Variants in ZDHHC14 observed in about 807,000 individuals in gnomAD.
ZDHHC14 encodes the protein zDHHC palmitoyltransferase 14.
ZDHHC14 carries 16 observed loss-of-function variants against 47.7 expected under a neutral mutation model. The ratio of observed to expected loss-of-function variants is 0.34; its 90% confidence interval spans 0.23 to 0.51. The LOEUF (loss-of-function observed/expected upper bound fraction) is 0.51. Among genes scored for constraint, ZDHHC14 ranks in the 20% least tolerant of loss-of-function variants. The pLI is 0.97. For synonymous variants in ZDHHC14, 293 were observed against 278.9 expected, an observed-to-expected ratio of 1.05 and a Z score of -0.50; for missense variants, 515 against 662.5, an observed-to-expected ratio of 0.78 and a Z score of 2.44.
intron 3 of ZDHHC14, among the ~76,000 whole-genome samples, chr6:157,593,678 G>A (rs1047190741): frequency 6.6e-6 from 1 of 152,252 alleles, no homozygotes; most frequent in African/African-American, 2.4e-5. Flanking sequence ...GGACAGGCTA[G>A]GGAAACAGGC....
Position 157,381,485 on chromosome 6 carries a change from A to T in ZDHHC14, c.-537A>T, listed in dbSNP as rs1040605415. ...TTGCCGGTGCCGCGCGCGGCCGCCC[A>T]GTCGCCAGCGCTCTCTCCTGGGAGG... On this transcript the variant is annotated 5_prime_UTR_variant, in exon 1 of 9. Transcript: ENST00000359775. 2.2e-5 allele frequency: 8 copies of T among 367,070 alleles called. No individual in the cohort carries two copies. The highest frequency in any genetic ancestry group is 4.4e-5 in the Non-Finnish European group (8 of 181,268). The allele number at this position is 367,070 out of a possible 1,614,324, so 22.7% of individuals were successfully genotyped here.
Position 157,540,878 on chromosome 6 carries a change from ATATG to A in ZDHHC14, c.246-1697_246-1694del, listed in dbSNP as rs1208368154. ...TTATATATATAACATATATAGATAT[ATATG>A]TATGTATGTGTGTGTGTGTGTGTGT... On this transcript the variant is annotated intron_variant, in intron 1 of 8. Coordinates refer to ENST00000359775, the MANE Select transcript of ZDHHC14 (RefSeq NM_024630.3). Among the ~76,000 whole-genome samples the A allele has an allele frequency of 1.7e-4, 23 of 133,478 alleles. 1 individual carries two copies. The highest frequency in any genetic ancestry group is 5.9e-4 in the Admixed American group (8 of 13,468). The allele number at this position is 133,478 out of a possible 152,430, so 87.6% of individuals were successfully genotyped here.
At chr6:157,450,511 C>T (rs1401249117) in intron 1 of ZDHHC14, among the ~76,000 whole-genome samples, 2 of 91,322 alleles carry the variant, frequency 2.2e-5, no homozygotes, top group Non-Finnish European at 4.5e-5. Flanking sequence ...CATGAGACTC[C>T]GTCTTAAAAA....
chr6:157,390,574 T>G (rs963497912), intron 1 of ZDHHC14, among the ~76,000 whole-genome samples: 1 of 152,196 alleles, frequency 6.6e-6, no homozygotes, highest in Non-Finnish European at 1.5e-5. Flanking sequence ...TATTCCATGT[T>G]TTTGTCAATT....
intron 1 of ZDHHC14, among the ~76,000 whole-genome samples, chr6:157,468,551 T>C (rs145267529): frequency 7.0e-4 from 107 of 152,334 alleles, no homozygotes; most frequent in Non-Finnish European, 1.4e-3. Flanking sequence ...TGTCTCTTGA[T>C]AGCAAGAAGC....
At chr6:157,555,460 C>T (rs1311523935) in intron 2 of ZDHHC14, among the ~76,000 whole-genome samples, 3 of 152,186 alleles carry the variant, frequency 2.0e-5, no homozygotes, top group East Asian at 1.9e-4. Flanking sequence ...CAAACATTTA[C>T]GTGGCTATTT....
At chr6:157,400,060 C>T (rs986486893) in intron 1 of ZDHHC14, among the ~76,000 whole-genome samples, 3 of 152,246 alleles carry the variant, frequency 2.0e-5, no homozygotes, top group Non-Finnish European at 4.4e-5. Flanking sequence ...CATAACATTT[C>T]ACTTTTCCCA....
At chr6:157,540,910 G>GTGTGTGTGTGTGTGTATA (rs1284429244) in intron 1 of ZDHHC14, among the ~76,000 whole-genome samples, 242 of 122,896 alleles carry the variant, frequency 2.0e-3, no homozygotes, top group Middle Eastern at 3.9e-3. Context: ...GTGTGTGTGT[G>GTGTGTGTGTGTGTGTATA]TATATATATA....
rs578189084 is a variant in ZDHHC14, at chr6:157,388,121, C to T, written c.245+5855C>T. ...TTATTTTTGAACTAAATGCTTTAAG[C>T]AAATAAAGCACTCTGGGATATATTT... On this transcript the variant is annotated intron_variant, in intron 1 of 8. Transcript: ENST00000359775. Among the ~76,000 whole-genome samples the T allele has an allele frequency of 2.6e-5, 4 of 152,284 alleles. No individual in the cohort carries two copies. The South Asian group carries it at 8.3e-4, about 32-fold the overall frequency.
chr6:157,533,515 G>A (rs961786220), intron 1 of ZDHHC14, among the ~76,000 whole-genome samples: 1 of 152,224 alleles, frequency 6.6e-6, no homozygotes, highest in Admixed American at 6.5e-5. Context: ...GTTCCAGGCA[G>A]GGGGAAGGCA....
At chr6:157,475,930 A>G (rs1779470361) in intron 1 of ZDHHC14, among the ~76,000 whole-genome samples, 1 of 152,180 alleles carries the variant, frequency 6.6e-6, no homozygotes, top group African/African-American at 2.4e-5. Flanking sequence ...ACATCATATC[A>G]AAACTTATGG....
intron 1 of ZDHHC14, among the ~76,000 whole-genome samples, chr6:157,499,391 C>T (rs1780142536): frequency 1.3e-5 from 2 of 152,016 alleles, no homozygotes. Flanking sequence ...GGGAGCCAGC[C>T]CCAGGCTCTT....
chr6:157,586,504 C>G lies in ZDHHC14; in HGVS notation c.407-6484C>G, dbSNP rs1199999714. Among the ~76,000 whole-genome samples the G allele has an allele frequency of 6.6e-6, 1 of 152,134 alleles. No homozygotes were observed. Among genetic ancestry groups the G allele is most frequent in the East Asian group, 1.9e-4 (1 of 5,186 alleles). ...AGATCGTGCAAGGAGAGAGAAGGTT[C>G]ATGGATTGTGTGCTGTATGGGAGGG... On this transcript the variant is annotated intron_variant, in intron 2 of 8. Coordinates refer to ENST00000359775, the MANE Select transcript of ZDHHC14 (RefSeq NM_024630.3). This position sits in a 1 kb window ranked among gnomAD's most constrained non-coding sequence, Gnocchi z 4.6.
intron 1 of ZDHHC14, among the ~76,000 whole-genome samples, chr6:157,473,975 C>A (rs989794314): frequency 1.3e-5 from 2 of 149,258 alleles, no homozygotes; most frequent in Non-Finnish European, 3.0e-5. Flanking sequence ...CAACCTATAC[C>A]ATATTTTCTT....
At chr6:157,660,604 A>T (rs1474170643) in intron 8 of ZDHHC14, among the ~76,000 whole-genome samples, 1 of 152,192 alleles carries the variant, frequency 6.6e-6, no homozygotes, top group Non-Finnish European at 1.5e-5. Flanking sequence ...ATAATTTATT[A>T]CAATCTGTCG....
intron 1 of ZDHHC14, among the ~76,000 whole-genome samples, chr6:157,485,821 G>A (rs575460823): frequency 6.6e-6 from 1 of 152,186 alleles, no homozygotes; most frequent in South Asian, 2.1e-4. Flanking sequence ...CACCAGCCTG[G>A]CCAACATGGT....
intron 2 of ZDHHC14, among the ~76,000 whole-genome samples, chr6:157,570,349 T>C (rs1349370278): frequency 6.6e-6 from 1 of 152,258 alleles, no homozygotes; most frequent in African/African-American, 2.4e-5. Context: ...ACAACCCAAA[T>C]TGATCTCTAT....
At chr6:157,592,875 C>A (rs1783970033) in intron 2 of ZDHHC14, 113 bp from the exon 3 acceptor site, 1 of 1,495,602 alleles carries the variant, frequency 6.7e-7, no homozygotes, top group Non-Finnish European at 8.9e-7. Flanking sequence ...GCACCGGGGG[C>A]CCTGCCAGCC....
intron 1 of ZDHHC14, among the ~76,000 whole-genome samples, chr6:157,528,165 A>G (rs1391501765): frequency 1.3e-5 from 2 of 151,880 alleles, no homozygotes; most frequent in Non-Finnish European, 2.9e-5. Flanking sequence ...TTTTCCCTAG[A>G]TCTAATGTCC....
Sources: allele counts gnomAD v4.1 joint callset (sites outside exome capture counted in the v4.1 genomes callset), GRCh38; gene constraint gnomAD v4.1.1; non-coding constraint Gnocchi (gnomAD v3.1); transcripts MANE v1.5; gene names NCBI Gene and HGNC (gene_info 2026-07-23, HGNC 2026-07-21).